Variants in ZNF280D observed in about 807,000 individuals in gnomAD.
The protein encoded by ZNF280D is zinc finger protein 280D, also known as suppressor of hairy wing homolog 4.
ZNF280D carries 39 observed loss-of-function variants against 94.7 expected under a neutral mutation model. The ratio of observed to expected loss-of-function variants is 0.41; its 90% confidence interval spans 0.32 to 0.54. The LOEUF (loss-of-function observed/expected upper bound fraction) is 0.54, where lower values mean the gene tolerates loss of function less well. ZNF280D is among the 20% of genes least tolerant of loss of function. The probability of loss-of-function intolerance (pLI) is 0.22; values close to 1 mark genes in which losing one functional copy is unlikely to be tolerated. For missense variants in ZNF280D, 1,090 were observed against 1,149.3 expected, an observed-to-expected ratio of 0.95 and a Z score of 0.75; for synonymous variants, 398 against 377.6, an observed-to-expected ratio of 1.05 and a Z score of -0.63.
rs758205851 is a variant in ZNF280D, at chr15:56,666,946, G to A, written c.1586C>T (p.Ala529Val). Reference protein sequence around the residue: ...RASVGPLQSGASPTPSISASA... With the variant: ...RASVGPLQSGVSPTPSISASA... ...TGCACTAATGGAAGGTGTAGGTGAA[G>A]CTCCTGATTGCAGAGGTCCAACTGA... Residue 529 changes from alanine to valine, a missense_variant, in exon 15 of 22, where the codon GCT (alanine) becomes GTT (valine). Coordinates refer to ENST00000267807, the MANE Select transcript of ZNF280D (RefSeq NM_017661.4). 1.2e-5 allele frequency: 20 copies of A among 1,610,612 alleles called. No individual in the cohort carries two copies. In the South Asian group the frequency reaches 2.2e-4, roughly 18 times the overall value.
intron 19 of ZNF280D, chr15:56,652,801 A>G: frequency 1.0e-6 from 1 of 984,632 alleles, no homozygotes; most frequent in African/African-American, 1.7e-5. Flanking sequence ...TAATCCCAAT[A>G]GGACAGAGTA....
intron 6 of ZNF280D, among the ~76,000 whole-genome samples, chr15:56,694,131 G>A (rs1489515381): frequency 6.6e-6 from 1 of 152,094 alleles, no homozygotes; most frequent in Non-Finnish European, 1.5e-5. Context: ...CTTAAGAAGA[G>A]AGGAGTGAAA....
intron 13 of ZNF280D, among the ~76,000 whole-genome samples, chr15:56,676,270 T>C (rs1423623598): frequency 1.3e-5 from 2 of 151,796 alleles, no homozygotes; most frequent in African/African-American, 4.9e-5. Context: ...AAACGAAAAA[T>C]AAGATTATAA....
intron 1 of ZNF280D, among the ~76,000 whole-genome samples, chr15:56,711,255 T>C (rs2057744320): frequency 1.3e-5 from 2 of 152,352 alleles, no homozygotes; most frequent in African/African-American, 2.4e-5. Flanking sequence ...ACTTATGTCA[T>C]TGGATTATAG....
Position 56,700,659 on chromosome 15 carries a change from T to G in ZNF280D, c.381+274A>C, listed in dbSNP as rs1418725554. On this transcript the variant is annotated intron_variant, in intron 6 of 21. Coordinates refer to ENST00000267807, the MANE Select transcript of ZNF280D (RefSeq NM_017661.4). ...TCATTATGCAATATTTATGGCTGAC[T>G]ATAATTTTATTCACATTTTGATAGT... 4 of 1,383,528 alleles carry G rather than the reference T, an allele frequency of 2.9e-6. No homozygotes were observed. The Admixed American group carries it at 1.3e-4, about 45-fold the overall frequency. 85.7% of individuals were successfully genotyped at this position (1,383,528 alleles called of 1,614,324 possible). A position where few individuals can be genotyped will look rare whatever the true frequency, so the allele number is the denominator to read the frequency against.
chr15:56,689,909 A>G (rs975583853), intron 7 of ZNF280D, among the ~76,000 whole-genome samples: 10 of 152,218 alleles, frequency 6.6e-5, no homozygotes, highest in African/African-American at 2.4e-4. Context: ...TACTCTTAAG[A>G]TGCTTTTTTC....
At chr15:56,640,122 C>T (rs2052556745) in intron 20 of ZNF280D, among the ~76,000 whole-genome samples, 1 of 151,878 alleles carries the variant, frequency 6.6e-6, no homozygotes, top group African/African-American at 2.4e-5. Flanking sequence ...ACATAAGGTA[C>T]AGAAAAGGAA....
rs553012547 is a variant in ZNF280D, at chr15:56,659,805, A to G, written c.1995-1319T>C. On this transcript the variant is annotated intron_variant, in intron 16 of 21. Transcript: ENST00000267807. ...ATTTTCAGTGATTCACACACACGCT[A>G]AAGTTTAAGAAACAGCAGCCAACAC... 3.9e-5 allele frequency among the ~76,000 whole-genome samples: 6 copies of G among 152,166 alleles called. No homozygotes were observed. The East Asian group carries it at 9.6e-4, about 24-fold the overall frequency.
Position 56,650,563 on chromosome 15 carries a change from T to C in ZNF280D, c.2213+3635A>G, listed in dbSNP as rs143554420. Among the ~76,000 whole-genome samples the C allele has an allele frequency of 1.7e-3, 254 of 152,252 alleles. 1 individual carries two copies. Among genetic ancestry groups the C allele is most frequent in the African/African-American group, 5.8e-3 (240 of 41,556 alleles). On this transcript the variant is annotated intron_variant, in intron 19 of 21. Coordinates refer to ENST00000267807, the MANE Select transcript of ZNF280D (RefSeq NM_017661.4). ...AACTAAATCAACTTTTAAAATCTCT[T>C]GAAATTGTGGCTTTTAGGATATTTG...
chr15:56,672,307 G>C (rs1186410511), intron 13 of ZNF280D, among the ~76,000 whole-genome samples: 2 of 152,088 alleles, frequency 1.3e-5, no homozygotes, highest in Non-Finnish European at 2.9e-5. Context: ...TATGATACTG[G>C]CTGTGGGTTT....
At chr15:56,678,094 G>A (rs935448192) in intron 11 of ZNF280D, among the ~76,000 whole-genome samples, 23 of 150,074 alleles carry the variant, frequency 1.5e-4, no homozygotes, top group African/African-American at 5.6e-4. Context: ...TGCAACCTCC[G>A]TTTCCTGGGT....
intron 9 of ZNF280D, among the ~76,000 whole-genome samples, chr15:56,687,748 C>T (rs187401859): frequency 8.5e-5 from 13 of 152,232 alleles, no homozygotes; most frequent in Admixed American, 3.9e-4. Context: ...ATTGAAAGTA[C>T]TTCTACAGGA....
At chr15:56,663,777 A>T (rs2054110803) in intron 16 of ZNF280D, among the ~76,000 whole-genome samples, 1 of 152,114 alleles carries the variant, frequency 6.6e-6, no homozygotes. Context: ...GGTGGCACAC[A>T]CCTATATGGC....
intron 6 of ZNF280D, among the ~76,000 whole-genome samples, chr15:56,696,109 G>A (rs563771446): frequency 3.7e-4 from 56 of 152,142 alleles, no homozygotes; most frequent in Non-Finnish European, 5.3e-4. Context: ...ACTAATCCTA[G>A]AATTTGAGGC....
chr15:56,635,851 A>G (rs1354155511), intron 20 of ZNF280D: 1 of 152,250 alleles, frequency 6.6e-6, no homozygotes. Flanking sequence ...CCAGCTATGG[A>G]GTACATATGA....
intron 1 of ZNF280D, among the ~76,000 whole-genome samples, chr15:56,722,660 G>A (rs1387481815): frequency 2.0e-5 from 3 of 152,222 alleles, no homozygotes; most frequent in Admixed American, 2.0e-4. Context: ...CATTGTGGAA[G>A]TCAGTGTGGC....
intron 17 of ZNF280D, among the ~76,000 whole-genome samples, chr15:56,655,578 T>A (rs562304401): frequency 6.6e-6 from 1 of 152,336 alleles, no homozygotes; most frequent in South Asian, 2.1e-4. Context: ...AATTCCCTAG[T>A]TATCAATACT....
At chr15:56,636,509 A>C (rs573166130) in intron 20 of ZNF280D, among the ~76,000 whole-genome samples, 809 of 136,352 alleles carry the variant, frequency 5.9e-3, no homozygotes, top group Non-Finnish European at 8.6e-3. Context: ...TTTTTGACAG[A>C]GTCTAGCTCT....
chr15:56,640,348 T>G (rs2052568788), intron 20 of ZNF280D, among the ~76,000 whole-genome samples: 1 of 152,102 alleles, frequency 6.6e-6, no homozygotes, highest in Non-Finnish European at 1.5e-5. Context: ...GGTCTCTAAC[T>G]CCTAGACTTA....
Sources: gnomAD v4.1 joint callset for allele counts (sites outside exome capture counted in the v4.1 genomes callset) on GRCh38, gnomAD v4.1.1 for gene constraint, MANE v1.5 for transcripts, NCBI Gene and HGNC (gene_info 2026-07-23, HGNC 2026-07-21) for gene names.